Variants in ACP1 observed in about 807,000 individuals in gnomAD.
ACP1 encodes the protein low molecular weight phosphotyrosine protein phosphatase.
Under a neutral mutation model 23.4 loss-of-function variants are expected in ACP1, and 23 were observed. That is an observed-to-expected ratio of 0.98 (90% CI 0.71 to 1.39). The LOEUF (loss-of-function observed/expected upper bound fraction) is 1.39. Among genes scored for constraint, ACP1 ranks in the 40% most tolerant of loss-of-function variants. ACP1 has a pLI of 0.00. For missense variants in ACP1, 180 were observed against 197.7 expected (o/e 0.91, Z 0.54); for synonymous variants, 72 against 67.2 (o/e 1.07, Z -0.35).
intron 5 of ACP1, 37 bp downstream of exon 5, chr2:277,122 C>G (rs756935681): frequency 6.4e-7 from 1 of 1,566,318 alleles, no homozygotes; most frequent in South Asian, 1.1e-5. Flanking sequence ...AATATGAAGA[C>G]CCAACACATT....
intron 1 of ACP1, among the ~76,000 whole-genome samples, chr2:270,733 GC>G (rs1188613982): frequency 6.6e-6 from 1 of 152,090 alleles, no homozygotes; most frequent in Non-Finnish European, 1.5e-5. Context: ...GGTTGGCAGT[GC>G]TCTTTGAATA....
At chr2:272,409 G>A in intron 3 of ACP1, 2 of 1,493,190 alleles carry the variant, frequency 1.3e-6, no homozygotes, top group Non-Finnish European at 8.9e-7. Flanking sequence ...TTTATTTAGG[G>A]TGAGCTTAAC....
At chr2:268,563 C>A (rs749654059) in intron 1 of ACP1, among the ~76,000 whole-genome samples, 3 of 152,192 alleles carry the variant, frequency 2.0e-5, no homozygotes, top group Non-Finnish European at 4.4e-5. Flanking sequence ...TGGGCTACAC[C>A]CATACTGGGT....
chr2:276,072 T>A (rs547716317), intron 4 of ACP1, among the ~76,000 whole-genome samples: 4 of 152,282 alleles, frequency 2.6e-5, no homozygotes, highest in African/African-American at 9.6e-5. Context: ...GAGACCCCAT[T>A]TGCTTTGACT....
Position 278,280 on chromosome 2 carries a change from T to C in ACP1, c.*976T>C, listed in dbSNP as rs546334865. On this transcript the variant is annotated 3_prime_UTR_variant, in exon 6 of 6. Coordinates refer to ENST00000272065, the MANE Select transcript of ACP1 (RefSeq NM_004300.4). ...AGTTATAAAAATACAACTAGAGATA[T>C]AAATCTGGTGTCTGCCTGTTTTTTT... 2.6e-5 allele frequency: 4 copies of C among 152,340 alleles called. No homozygotes were observed. In the South Asian group the frequency reaches 6.2e-4, roughly 24 times the overall value. 9.4% of individuals were successfully genotyped at this position (152,340 alleles called of 1,614,324 possible). A position where few individuals can be genotyped will look rare whatever the true frequency, so the allele number is the denominator to read the frequency against.
chr2:265,974 A>G (rs1301323314), intron 1 of ACP1, among the ~76,000 whole-genome samples: 1 of 152,272 alleles, frequency 6.6e-6, no homozygotes, highest in African/African-American at 2.4e-5. Context: ...TCAAACCTAA[A>G]TATTTCCTCC....
intron 4 of ACP1, among the ~76,000 whole-genome samples, chr2:275,938 T>A (rs1376876955): frequency 1.3e-5 from 2 of 152,252 alleles, no homozygotes; most frequent in African/African-American, 4.8e-5. Flanking sequence ...TCAATTATTT[T>A]TTATTAATTA....
intron 4 of ACP1, 118 bp downstream of exon 4, chr2:275,319 C>A: frequency 2.1e-6 from 1 of 476,902 alleles, no homozygotes; most frequent in Non-Finnish European, 3.8e-6. Context: ...GTGATGGTCA[C>A]CATATGTAGA....
intron 1 of ACP1, among the ~76,000 whole-genome samples, chr2:271,341 A>G (rs1670025295): frequency 6.6e-6 from 1 of 152,028 alleles, no homozygotes; most frequent in Non-Finnish European, 1.5e-5. Flanking sequence ...ACCCATCTGT[A>G]TGGAGGGCTG....
chr2:265,235 T>G, intron 1 of ACP1: 1 of 497,242 alleles, frequency 2.0e-6, no homozygotes. Context: ...CTGCCATATA[T>G]CCGGGGCTCT....
rs774993891 is a variant in ACP1, at chr2:264,988, C to T, written c.24C>T (p.Ser8=). MAEQATK[S]VLFVCLGNIC... ...AGATGGCGGAACAGGCTACCAAGTC[C>T]GTGCTGTTTGTGTGTCTGGGTAAGA... The change falls in exon 1 of 6, where the codon TCC becomes TCT. Residue 8 remains serine, a synonymous_variant. Coordinates refer to ENST00000272065, the MANE Select transcript of ACP1 (RefSeq NM_004300.4). 3.5e-5 allele frequency: 56 copies of T among 1,613,132 alleles called. No homozygotes were observed. Among genetic ancestry groups the T allele is most frequent in the African/African-American group, 5.4e-5 (4 of 74,758 alleles).
chr2:271,764 GA>G, intron 1 of ACP1, 101 bp from the exon 2 acceptor site: 2 of 916,898 alleles, frequency 2.2e-6, no homozygotes, highest in South Asian at 2.7e-5. Context: ...TTTCCTGAGG[GA>G]TAGCACAGCC....
chr2:276,865 A>G (rs1467100020), intron 4 of ACP1, 115 bp from the exon 5 acceptor site: 14 of 671,648 alleles, frequency 2.1e-5, no homozygotes, highest in African/African-American at 5.5e-5. Context: ...TTTCATTTCA[A>G]ATTAGGTCAT....
chr2:266,123 T>G (rs559690929), intron 1 of ACP1, among the ~76,000 whole-genome samples: 1 of 152,358 alleles, frequency 6.6e-6, no homozygotes, highest in South Asian at 2.1e-4. Flanking sequence ...TACACAAATT[T>G]TACTATAATT....
rs1372210688 is a variant in ACP1, at chr2:265,007, G to A, written c.43G>A (p.Gly15Ser). ...ATKSVLFVCLGNICRSPIAEA... is the reference protein window; with the variant it reads ...ATKSVLFVCLSNICRSPIAEA... Reference sequence around the variant, plus strand: ...CAAGTCCGTGCTGTTTGTGTGTCTGGGTAAGAGGGCGCCGACTTACTCATG... The same window carrying A: ...CAAGTCCGTGCTGTTTGTGTGTCTGAGTAAGAGGGCGCCGACTTACTCATG... Residue 15 changes from glycine to serine, a missense_variant and splice_region_variant, in exon 1 of 6, where the codon GGT becomes AGT. Physicochemically the swap from Gly to Ser is moderately conservative, Grantham distance 56. Coordinates refer to ENST00000272065, the MANE Select transcript of ACP1 (RefSeq NM_004300.4). 6.2e-7 allele frequency: 1 copy of A among 1,613,030 alleles called. No homozygotes were observed. The highest frequency in any genetic ancestry group is 2.2e-5 in the East Asian group (1 of 44,784).
intron 4 of ACP1, 39 bp downstream of exon 4, chr2:275,240 A>G: frequency 8.2e-7 from 1 of 1,212,970 alleles, no homozygotes; most frequent in Non-Finnish European, 1.2e-6. Flanking sequence ...TTCAACTCTC[A>G]GTTCAGCAGT....
rs903553360 is a variant in ACP1 at position 277,371 on chromosome 2, C to T, written c.*67C>T. ...ACCCTGAGGTCCTGCATTTCTCAGT[C>T]GGTGTGTAATCACGTTCCAGGGCCC... On this transcript the variant is annotated 3_prime_UTR_variant, in exon 6 of 6. Transcript: ENST00000272065. The T allele has an allele frequency of 1.8e-5, 26 of 1,428,446 alleles. No homozygotes were observed. Among genetic ancestry groups the T allele is most frequent in the Admixed American group, 8.4e-5 (5 of 59,754 alleles). 88.5% of individuals were successfully genotyped at this position (1,428,446 alleles called of 1,614,324 possible). A position where few individuals can be genotyped will look rare whatever the true frequency, so the allele number is the denominator to read the frequency against.
chr2:276,600 C>A (rs1207511897), intron 4 of ACP1, among the ~76,000 whole-genome samples: 1 of 152,142 alleles, frequency 6.6e-6, no homozygotes, highest in Non-Finnish European at 1.5e-5. Flanking sequence ...AGTGCTGTGT[C>A]AAGACACCTG....
chr2:268,002 C>T (rs150623175), intron 1 of ACP1, among the ~76,000 whole-genome samples: 191 of 152,192 alleles, frequency 1.3e-3, no homozygotes, highest in African/African-American at 4.3e-3. Context: ...TTATTCTTAC[C>T]GCTGTGGGCT....
Sources: allele counts gnomAD v4.1 joint callset (sites outside exome capture counted in the v4.1 genomes callset), GRCh38; gene constraint gnomAD v4.1.1; transcripts MANE v1.5; gene names NCBI Gene and HGNC (gene_info 2026-07-23, HGNC 2026-07-21).